The following FAM240C variants were observed in gnomAD, a reference collection of about 807,000 sequenced individuals.
FAM240C encodes the protein family with sequence similarity 240 member C.
FAM240C carries 14 observed loss-of-function variants against 10.0 expected under a neutral mutation model. The ratio of observed to expected loss-of-function variants is 1.40; its 90% CI spans 0.92 to 2.19. FAM240C has a LOEUF of 2.19. Among genes scored for constraint, FAM240C ranks in the 30% most tolerant of loss-of-function variants. The pLI is 0.00. For synonymous variants in FAM240C, 49 were observed against 44.3 expected (o/e 1.11, Z -0.42); for missense variants, 154 against 122.3 (o/e 1.26, Z -1.22).
intron 2 of FAM240C, among the ~76,000 whole-genome samples, chr2:241,894,541 G>C (rs182620182): frequency 7.3e-6 from 1 of 136,492 alleles, no homozygotes; most frequent in Non-Finnish European, 1.6e-5. Context: ...TCTCGTGGCC[G>C]GCCTTGGCTC....
chr2:241,898,153 T>C (rs533312877), intron 1 of FAM240C, among the ~76,000 whole-genome samples: 1 of 152,344 alleles, frequency 6.6e-6, no homozygotes, highest in East Asian at 1.9e-4. Context: ...CTATTTGATG[T>C]AATATGCTAA....
At chr2:241,899,877 C>G (rs1575422234) in intron 1 of FAM240C, among the ~76,000 whole-genome samples, 1 of 152,250 alleles carries the variant, frequency 6.6e-6, no homozygotes, top group East Asian at 1.9e-4. Context: ...ACCAGCCTGA[C>G]TAACACGGTG....
intron 1 of FAM240C, 142 bp from the exon 2 acceptor site, chr2:241,897,476 C>T (rs916895086): frequency 2.8e-4 from 276 of 990,998 alleles, no homozygotes; most frequent in Non-Finnish European, 3.1e-4. Context: ...TGGGGGATGG[C>T]GGAGGCTGCC....
In FAM240C at chr2:241,900,447, C is replaced by A; in HGVS notation, c.-78G>T. 1.4e-6 allele frequency: 1 copy of A among 709,820 alleles called. No individual in the cohort carries two copies. The highest frequency in any genetic ancestry group is 1.5e-5 in the South Asian group (1 of 67,030). 44.0% of individuals were successfully genotyped at this position (709,820 alleles called of 1,614,324 possible). On this transcript the variant is annotated 5_prime_UTR_variant, in exon 1 of 3. Coordinates refer to ENST00000404031, the MANE Select transcript of FAM240C (RefSeq NM_001382368.1). This position sits in a 1 kb window ranked among gnomAD's most constrained non-coding sequence, Gnocchi z 4.5. ...CTCTCCGGGGTGCACGCCTGTATCTCGCCTGCCGCTCTCTGTTACATGGGC... is the reference window on the plus strand; with the variant it reads ...CTCTCCGGGGTGCACGCCTGTATCTAGCCTGCCGCTCTCTGTTACATGGGC...
chr2:241,896,499 TGAAGGGGGTGTGG>T (rs1701809048), intron 2 of FAM240C, among the ~76,000 whole-genome samples: 3 of 39,256 alleles, frequency 7.6e-5, no homozygotes, highest in African/African-American at 1.6e-4. Flanking sequence ...GGGGTGTGGG[TGAAGGGGGTGTGG>T]GTGTTGGGGT....
Position 241,895,963 on chromosome 2 carries a change from TG to T in FAM240C, c.161+1222del, listed in dbSNP as rs397785705. 3.6e-3 allele frequency among the ~76,000 whole-genome samples: 543 copies of T among 148,974 alleles called. 5 individuals are homozygous for T. Among genetic ancestry groups the T allele is most frequent in the African/African-American group, 0.013 (510 of 40,378 alleles). ...GGCCCGTGGGGCAAGCACTCGGTGG[TG>T]GGGGGGGGCCTCTCCTTCACCATCG... On this transcript the variant is annotated intron_variant, in intron 2 of 2. Transcript: ENST00000404031.
intron 2 of FAM240C, among the ~76,000 whole-genome samples, chr2:241,896,549 G>C (rs1701813862): frequency 7.5e-6 from 1 of 132,676 alleles, no homozygotes; most frequent in African/African-American, 2.8e-5. Flanking sequence ...GGGTGTTGGG[G>C]TGTGTGTGTT....
chr2:241,899,766 G>A (rs1244991295), intron 1 of FAM240C, among the ~76,000 whole-genome samples: 1 of 152,186 alleles, frequency 6.6e-6, no homozygotes. Flanking sequence ...CAAACCAGCA[G>A]ACAGAAGAAA....
chr2:241,896,945 G>A (rs561522405), intron 2 of FAM240C, among the ~76,000 whole-genome samples: 2 of 151,806 alleles, frequency 1.3e-5, no homozygotes, highest in African/African-American at 2.4e-5. Flanking sequence ...CTGGTCTCAC[G>A]GTTAGCAACG....
intron 1 of FAM240C, 118 bp from the exon 2 acceptor site, chr2:241,897,452 G>T: frequency 1.6e-6 from 2 of 1,271,942 alleles, no homozygotes; most frequent in Non-Finnish European, 2.2e-6. Context: ...CGTGGTCCCC[G>T]CCTTCCTGGT....
At chr2:241,902,285 G>A (rs1297721720), upstream of FAM240C, among the ~76,000 whole-genome samples, 3 of 147,654 alleles carry the variant, frequency 2.0e-5, no homozygotes, top group African/African-American at 7.5e-5. This position sits in a 1 kb window ranked among gnomAD's most constrained non-coding sequence, Gnocchi z 7.1. Context: ...CAGCTACCGG[G>A]CTCAGCCGCC....
chr2:241,902,501 G>A (rs1372254718), upstream of FAM240C: 2 of 153,378 alleles, frequency 1.3e-5, no homozygotes, highest in Non-Finnish European at 2.9e-5. This position sits in a 1 kb window ranked among gnomAD's most constrained non-coding sequence, Gnocchi z 7.1. Context: ...CTGTACCTGG[G>A]CTCTGTGACG....
intron 1 of FAM240C, among the ~76,000 whole-genome samples, chr2:241,899,488 A>C (rs920951374): frequency 6.6e-6 from 1 of 152,262 alleles, no homozygotes; most frequent in South Asian, 2.1e-4. Flanking sequence ...CCCACCAGTC[A>C]GGGCCGGGCC....
chr2:241,894,402 C>T, intron 2 of FAM240C, 63 bp from the exon 3 acceptor site: 4 of 1,499,142 alleles, frequency 2.7e-6, no homozygotes, highest in South Asian at 1.2e-5. Context: ...GACGGCCAAG[C>T]CCGTGTCTCT....
Position 241,894,215 on chromosome 2 carries a change from A to G in FAM240C, c.286T>C (p.Ter96ArgextTer46). The G allele has an allele frequency of 6.5e-7, 1 of 1,548,908 alleles. No individual in the cohort carries two copies. The part of the protein sequence containing the change: ...SLHTKDKKAA[*>R] ...CAGAGTCTGGAGCTCGTGGGCCCTC[A>G]GGCCGCCTTCTTGTCCTTGGTGTGG... Residue 96 changes from the stop codon to arginine (R), a stop_lost, in exon 3 of 3, where the codon TGA becomes CGA. Coordinates refer to ENST00000404031, the MANE Select transcript of FAM240C (RefSeq NM_001382368.1).
chr2:241,899,015 T>A, intron 1 of FAM240C: 1 of 839,530 alleles, frequency 1.2e-6, no homozygotes, highest in Non-Finnish European at 1.8e-6. Flanking sequence ...CCCCCCACTC[T>A]TCTCTCTTGC....
At position 241,897,259 on chromosome 2, in the gene FAM240C, C is replaced by G. The variant is rs1446817724; in HGVS notation, c.88G>C (p.Glu30Gln). 1 of 1,549,814 alleles carries G rather than the reference C, an allele frequency of 6.5e-7. No homozygotes were observed. The highest frequency in any genetic ancestry group is 8.7e-7 in the Non-Finnish European group (1 of 1,146,562). The change falls in exon 2 of 3, where the codon GAG (glutamate) becomes CAG (glutamine). Residue 30 changes from glutamate to glutamine, a missense_variant. Glu to Gln is a conservative substitution (Grantham distance 29). Coordinates refer to ENST00000404031, the MANE Select transcript of FAM240C (RefSeq NM_001382368.1). ...CTTGCGTGATGCTCGATTTTTTTCT[C>G]CCAAAACATCTTTATCCCGCCTGAA... ...YDSGGIKMFW[E>Q]KKIEHHARHL...
chr2:241,901,299 A>G (rs1450143794), upstream of FAM240C, among the ~76,000 whole-genome samples: 2 of 152,000 alleles, frequency 1.3e-5, no homozygotes, highest in Non-Finnish European at 2.9e-5. The surrounding 1 kb of genome is among the most constrained non-coding windows in gnomAD (Gnocchi z 4.9). Flanking sequence ...GGCCTCAGGG[A>G]GCCGGCAGCA....
rs555211677 is a variant in FAM240C, at chr2:241,895,349, C to T, written c.162-1010G>A. On this transcript the variant is annotated intron_variant, in intron 2 of 2. Transcript: ENST00000404031. ...GGAGTCCTCGGCCCTCACAGCCGGC[C>T]GCCCATCCCAGAGAGGCTGCCAGGA... Among the ~76,000 whole-genome samples the T allele has an allele frequency of 4.6e-5, 7 of 152,354 alleles. 1 individual carries two copies. In the South Asian group the frequency reaches 1.2e-3, roughly 27 times the overall value.
Sources: gnomAD v4.1 joint callset for allele counts (sites outside exome capture counted in the v4.1 genomes callset) on GRCh38, gnomAD v4.1.1 for gene constraint, Gnocchi (gnomAD v3.1) non-coding constraint, MANE v1.5 for transcripts, NCBI Gene and HGNC (gene_info 2026-07-23, HGNC 2026-07-21) for gene names.